ABI3BP: variants seen among roughly 807,000 people sequenced by gnomAD.
ABI3BP encodes the protein target of Nesh-SH3.
ABI3BP carries 216 observed loss-of-function variants against 268.6 expected under a neutral mutation model. The ratio of observed to expected loss-of-function variants is 0.80; its 90% CI spans 0.72 to 0.90. ABI3BP has a LOEUF of 0.90. Ranked by LOEUF, ABI3BP falls within the 40% of genes least tolerant of loss-of-function variation. The pLI is 0.00. For missense variants in ABI3BP, 2,090 were observed against 2,182.4 expected (o/e 0.96, Z 0.84); for synonymous variants, 730 against 730.0 (o/e 1.00, Z 0.00).
chr3:100,794,942 C>G lies in ABI3BP; in HGVS notation c.3927G>C (p.Glu1309Asp), dbSNP rs773015101. The change falls in exon 54 of 68, where the codon GAG becomes GAC. Residue 1309 changes from glutamate to aspartate, a missense_variant. Transcript: ENST00000471714. ...IPMISPSPSQEELQTTLEETD... is the reference protein window; with the variant it reads ...IPMISPSPSQDELQTTLEETD... ...ATTTACCCAGAGTGGTCTGTAGTTC[C>G]TCTTGACTAGGACTTGGGGAAATCA... 5 of 1,570,380 alleles carry G rather than the reference C, an allele frequency of 3.2e-6. No homozygotes were observed. In the Admixed American group the frequency reaches 9.3e-5, roughly 29 times the overall value.
chr3:100,836,540 T>G (rs1371200384), intron 27 of ABI3BP, among the ~76,000 whole-genome samples: 1 of 152,028 alleles, frequency 6.6e-6, no homozygotes, highest in East Asian at 1.9e-4. Flanking sequence ...ATAGAAGAGA[T>G]GGAGGAAGTC....
chr3:100,841,621 G>C (rs903043483), intron 21 of ABI3BP, among the ~76,000 whole-genome samples: 2 of 152,124 alleles, frequency 1.3e-5, no homozygotes, highest in Admixed American at 1.3e-4. Context: ...GGGCACAGTG[G>C]TTCACACCTG....
At chr3:100,961,543 CTA>C (rs1375346852) in intron 1 of ABI3BP, among the ~76,000 whole-genome samples, 1 of 152,172 alleles carries the variant, frequency 6.6e-6, no homozygotes, top group African/African-American at 2.4e-5. Flanking sequence ...AAAACTTATC[CTA>C]ATTCATAATT....
At chr3:100,760,192 C>A (rs561867668) in intron 63 of ABI3BP, among the ~76,000 whole-genome samples, 1 of 152,312 alleles carries the variant, frequency 6.6e-6, no homozygotes, top group African/African-American at 2.4e-5. Context: ...AGTACTTGAG[C>A]AGATTAAGTG....
chr3:100,789,178 C>T (rs1225016149), intron 56 of ABI3BP, among the ~76,000 whole-genome samples: 1 of 152,080 alleles, frequency 6.6e-6, no homozygotes, highest in Non-Finnish European at 1.5e-5. Flanking sequence ...TATGCAACCT[C>T]TTTGTCAGGA....
chr3:100,909,161 G>A (rs1335929081), intron 2 of ABI3BP, among the ~76,000 whole-genome samples: 2 of 152,142 alleles, frequency 1.3e-5, no homozygotes, highest in Non-Finnish European at 2.9e-5. Flanking sequence ...AATGGAGAAA[G>A]GATTCACTAC....
At chr3:100,805,691 G>A (rs1354896291) in intron 50 of ABI3BP, among the ~76,000 whole-genome samples, 1 of 151,986 alleles carries the variant, frequency 6.6e-6, no homozygotes, top group Non-Finnish European at 1.5e-5. Context: ...ACCAAATGCT[G>A]AGGATCAAAC....
At chr3:100,775,134 C>T (rs1577242315) in intron 60 of ABI3BP, 73 bp downstream of exon 60, 1 of 1,544,772 alleles carries the variant, frequency 6.5e-7, no homozygotes, top group African/African-American at 1.4e-5. Context: ...GAGACTCACC[C>T]ATCCCCACCA....
chr3:100,974,239 C>A (rs1032343892), intron 1 of ABI3BP, among the ~76,000 whole-genome samples: 3 of 152,108 alleles, frequency 2.0e-5, no homozygotes, highest in African/African-American at 7.2e-5. Flanking sequence ...TGACAAAAAG[C>A]AATCTCACTC....
intron 21 of ABI3BP, among the ~76,000 whole-genome samples, chr3:100,841,220 T>TTTTTTTGTTTTTTTG (rs2098695808): frequency 2.4e-4 from 29 of 119,584 alleles, no homozygotes; most frequent in East Asian, 5.2e-4. Flanking sequence ...TTTTTTTTTT[T>TTTTTTTGTTTTTTTG]TTTTTTTGCT....
At chr3:100,814,628 G>T (rs557831097) in intron 44 of ABI3BP, among the ~76,000 whole-genome samples, 2 of 152,152 alleles carry the variant, frequency 1.3e-5, no homozygotes, top group African/African-American at 4.8e-5. Context: ...GTTTCTTCAT[G>T]ATTACTTTGT....
rs193097196 is a variant in ABI3BP at position 100,891,571 on chromosome 3, T to C, written c.462-5248A>G. On this transcript the variant is annotated intron_variant, in intron 4 of 67. Transcript: ENST00000471714. ...CCATGCAAAGCAACTAAGATGATAA[T>C]AGAGCAGAGTTTTGAACTCGGGTAA... Among the ~76,000 whole-genome samples the C allele has an allele frequency of 5.3e-5, 8 of 152,262 alleles. No individual in the cohort carries two copies. In the East Asian group the frequency reaches 1.2e-3, roughly 22 times the overall value.
chr3:100,758,623 C>G (rs1407884008), intron 63 of ABI3BP, among the ~76,000 whole-genome samples: 2 of 152,050 alleles, frequency 1.3e-5, no homozygotes, highest in Non-Finnish European at 2.9e-5. Flanking sequence ...CAACATAGAT[C>G]CACAGGCTAA....
chr3:100,888,276 T>C lies in ABI3BP; in HGVS notation c.462-1953A>G, dbSNP rs370029709. 4.6e-5 allele frequency among the ~76,000 whole-genome samples: 7 copies of C among 152,232 alleles called. No homozygotes were observed. The South Asian group carries it at 1.4e-3, about 32-fold the overall frequency. The stretch of plus-strand genomic sequence containing the variant: ...ATTATTGAATTGTAATAGAATGTAA[T>C]AGAAGTCCTTTGTGTCCTGTGAGTC... On this transcript the variant is annotated intron_variant, in intron 4 of 67. Coordinates refer to ENST00000471714, the MANE Select transcript of ABI3BP (RefSeq NM_001375547.2).
intron 1 of ABI3BP, among the ~76,000 whole-genome samples, chr3:100,927,682 A>G (rs1301865312): frequency 1.3e-5 from 2 of 152,108 alleles, no homozygotes; most frequent in Admixed American, 6.6e-5. Flanking sequence ...TGCAAACTCT[A>G]TCACTAGGGG....
At chr3:100,824,988 G>A in intron 35 of ABI3BP, 47 bp from the exon 36 acceptor site, 1 of 1,466,024 alleles carries the variant, frequency 6.8e-7, no homozygotes, top group Non-Finnish European at 9.2e-7. Context: ...TATGATTCTG[G>A]ATACTGAGGA....
At chr3:100,837,249 T>A (rs2098607937) in intron 26 of ABI3BP, 78 bp from the exon 27 acceptor site, 1 of 1,147,396 alleles carries the variant, frequency 8.7e-7, no homozygotes, top group South Asian at 1.5e-5. Context: ...TGGTGTTTAA[T>A]TCAGAGGACA....
intron 23 of ABI3BP, 82 bp downstream of exon 23, chr3:100,839,989 CA>C: frequency 8.6e-7 from 1 of 1,159,022 alleles, no homozygotes; most frequent in Non-Finnish European, 1.2e-6. Flanking sequence ...TCCTAAAGCC[CA>C]GTTGCTCAAG....
In ABI3BP at chr3:100,970,225, G is replaced by A. The variant is rs572298355; in HGVS notation, c.79+23081C>T. Reference sequence around the variant, plus strand: ...ATTAATAAGTATTTGTTGAATGAACGACTGGCTTTTGATTTGAAGCAGAAA... The same window carrying A: ...ATTAATAAGTATTTGTTGAATGAACAACTGGCTTTTGATTTGAAGCAGAAA... On this transcript the variant is annotated intron_variant, in intron 1 of 67. Transcript: ENST00000471714. Among the ~76,000 whole-genome samples the A allele has an allele frequency of 1.1e-4, 16 of 152,272 alleles. No homozygotes were observed. In the East Asian group the frequency reaches 1.7e-3, roughly 17 times the overall value.
Sources: gnomAD v4.1 joint callset for allele counts (sites outside exome capture counted in the v4.1 genomes callset) on GRCh38, gnomAD v4.1.1 for gene constraint, MANE v1.5 for transcripts, NCBI Gene and HGNC (gene_info 2026-07-23, HGNC 2026-07-21) for gene names.